The following ADGRG4 variants were observed in gnomAD, a reference collection of about 807,000 sequenced individuals.
ADGRG4 encodes G protein-coupled receptor 112.
A neutral mutation model predicts 126.2 loss-of-function variants in ADGRG4; 122 were observed. The observed-to-expected ratio is 0.97, with a 90% CI of 0.83 to 1.12. The LOEUF is 1.12. Among genes scored for constraint, ADGRG4 ranks in the 50% most tolerant of loss-of-function variants. The pLI is 0.00. For missense variants in ADGRG4, 2,481 were observed against 2,251.8 expected (o/e 1.10, Z -2.06); for synonymous variants, 943 against 838.7 (o/e 1.12, Z -2.15).
intron 19 of ADGRG4, among the ~76,000 whole-genome samples, chrX:136,397,233 G>A (rs1000161928): frequency 9.0e-6 from 1 of 111,392 alleles, no homozygotes; most frequent in African/African-American, 3.3e-5. Context: ...AATGTCCCTG[G>A]GAGAGGGGTA....
At chrX:136,393,974 C>T (rs1243824116) in intron 18 of ADGRG4, among the ~76,000 whole-genome samples, 1 of 111,789 alleles carries the variant, frequency 8.9e-6, no homozygotes, top group Non-Finnish European at 1.9e-5. Flanking sequence ...AGGCCCAGCG[C>T]AGAGTAGCCT....
chrX:136,360,511 G>A (rs2148475862), intron 11 of ADGRG4, among the ~76,000 whole-genome samples: 1 of 111,275 alleles, frequency 9.0e-6, no homozygotes, highest in South Asian at 3.9e-4. Flanking sequence ...GGGAGGGTGA[G>A]GCAGGAGGAT....
chrX:136,371,054 A>G (rs2075189933), intron 13 of ADGRG4, among the ~76,000 whole-genome samples: 1 of 111,857 alleles, frequency 8.9e-6, no homozygotes, highest in Admixed American at 9.5e-5. Flanking sequence ...ATCAAATTTC[A>G]AGATAATTCT....
Position 136,350,291 on chromosome X carries a change from C to T in ADGRG4, c.6585C>T (p.Leu2195=). 3.3e-6 allele frequency: 4 copies of T among 1,210,756 alleles called. No homozygotes were observed. Among genetic ancestry groups the T allele is most frequent in the Non-Finnish European group, 4.5e-6 (4 of 894,535 alleles). Residue 2195 remains leucine, a synonymous_variant, in exon 6 of 26, where the codon CTC becomes CTT. Transcript: ENST00000394143. ...TSTVPGASFP[L]ISTGVTYPFT... ...CTGTTCCTGGAGCCTCATTTCCACT[C>T]ATATCCACTGGGGTGACATATCCTT...
intron 4 of ADGRG4, among the ~76,000 whole-genome samples, chrX:136,321,991 G>A (rs1272755398): frequency 8.9e-6 from 1 of 111,882 alleles, no homozygotes; most frequent in Non-Finnish European, 1.9e-5. Context: ...AAACATTGAG[G>A]TATCAGGAGG....
intron 7 of ADGRG4, among the ~76,000 whole-genome samples, 164 bp downstream of exon 7, chrX:136,351,705 G>A (rs1374831524): frequency 1.9e-5 from 2 of 106,126 alleles, no homozygotes; most frequent in Non-Finnish European, 1.9e-5. Context: ...TGTCTACTCT[G>A]TAAGCAACAT....
At chrX:136,351,102 G>A (rs952790260) in intron 6 of ADGRG4, among the ~76,000 whole-genome samples, 6 of 111,952 alleles carry the variant, frequency 5.4e-5, no homozygotes, top group African/African-American at 1.9e-4. Flanking sequence ...TACTTTCTCA[G>A]AGAAAATGAT....
intron 4 of ADGRG4, among the ~76,000 whole-genome samples, chrX:136,318,346 A>G (rs1030180844): frequency 2.7e-5 from 3 of 111,924 alleles, no homozygotes; most frequent in Non-Finnish European, 5.6e-5. Context: ...CAGAGACAAA[A>G]AGCAGATTAG....
In ADGRG4 at chrX:136,371,373, A is replaced by G. The variant is rs1413603827; in HGVS notation, c.7442A>G (p.Glu2481Gly). The G allele has an allele frequency of 2.5e-6, 3 of 1,196,831 alleles. No homozygotes were observed. Among genetic ancestry groups the G allele is most frequent in the Non-Finnish European group, 3.4e-6 (3 of 887,449 alleles). Residue 2481 changes from glutamate to glycine, a missense_variant, in exon 14 of 26, where the codon GAA becomes GGA. Physicochemically the swap from Glu to Gly is moderately conservative, Grantham distance 98. Coordinates refer to ENST00000394143, the MANE Select transcript of ADGRG4 (RefSeq NM_153834.4). ...GAGCATATTTTAAATTTGATAAATG[A>G]ATCCCCAGCCCTGGGTAAAGAAGAG... ...VAEHILNLIN[E>G]SPALGKEETK...
intron 13 of ADGRG4, among the ~76,000 whole-genome samples, chrX:136,369,766 A>G (rs2075181663): frequency 8.9e-6 from 1 of 112,165 alleles, no homozygotes; most frequent in African/African-American, 3.2e-5. Context: ...ACAAAATGTT[A>G]ATCGAGAAAC....
At chrX:136,379,196 G>C (rs947851386) in intron 15 of ADGRG4, among the ~76,000 whole-genome samples, 5 of 111,490 alleles carry the variant, frequency 4.5e-5, no homozygotes, top group Admixed American at 9.5e-5. Flanking sequence ...GATTCATCTT[G>C]TGTCAGTTTT....
intron 5 of ADGRG4, among the ~76,000 whole-genome samples, chrX:136,332,797 A>G (rs1271626342): frequency 1.7e-4 from 18 of 107,212 alleles, no homozygotes; most frequent in African/African-American, 5.4e-4. Flanking sequence ...GGCTGCATAA[A>G]TGTCTTCTTT....
intron 8 of ADGRG4, 54 bp downstream of exon 8, chrX:136,353,455 T>A: frequency 1.3e-6 from 1 of 792,122 alleles, no homozygotes; most frequent in Non-Finnish European, 1.9e-6. Context: ...GCATTTTGGG[T>A]CTGTTCCTAT....
intron 5 of ADGRG4, among the ~76,000 whole-genome samples, chrX:136,325,008 A>T (rs954033935): frequency 8.9e-6 from 1 of 111,990 alleles, no homozygotes; most frequent in Non-Finnish European, 1.9e-5. Context: ...AGGAAAGATG[A>T]GATTGCTTTT....
Position 136,346,593 on chromosome X carries a change from G to A in ADGRG4, c.2887G>A (p.Gly963Ser), listed in dbSNP as rs878942743. ...SPTSGSTHIFGEPLGASTTRI... is the reference protein window; with the variant it reads ...SPTSGSTHIFSEPLGASTTRI... ...CACTTCTGGGAGCACACATATATTCGGTGAACCCCTGGGTGCTTCTACCAC... is the reference window on the plus strand; with the variant it reads ...CACTTCTGGGAGCACACATATATTCAGTGAACCCCTGGGTGCTTCTACCAC... The change falls in exon 6 of 26, where the codon GGT (glycine) becomes AGT (serine). Residue 963 changes from glycine (G) to serine (S), a missense_variant. Transcript: ENST00000394143. The A allele has an allele frequency of 1.2e-5, 15 of 1,208,156 alleles. No individual in the cohort carries two copies. Among genetic ancestry groups the A allele is most frequent in the South Asian group, 1.1e-4 (6 of 56,509 alleles).
At chrX:136,323,958 A>T (rs973008692) in intron 5 of ADGRG4, among the ~76,000 whole-genome samples, 1 of 111,819 alleles carries the variant, frequency 8.9e-6, no homozygotes, top group African/African-American at 3.2e-5. Context: ...TTTTTAGCAT[A>T]CAGTCCAGTT....
At chrX:136,404,297 T>G (rs991248144) in intron 22 of ADGRG4, among the ~76,000 whole-genome samples, 3 of 110,933 alleles carry the variant, frequency 2.7e-5, no homozygotes, top group Non-Finnish European at 5.7e-5. Flanking sequence ...AAGTCCCCAG[T>G]GTCTACCTAA....
Position 136,349,747 on chromosome X carries a change from T to C in ADGRG4, c.6041T>C (p.Leu2014Pro), listed in dbSNP as rs1390620474. The C allele has an allele frequency of 5.8e-6, 7 of 1,209,469 alleles. No homozygotes were observed. The highest frequency in any genetic ancestry group is 7.8e-6 in the Non-Finnish European group (7 of 894,001). ...SPILTWLLSS[L>P]PSGSPPATVS... ...ATTCTGACATGGCTCTTATCTAGTC[T>C]CCCTTCTGGCTCCCCTCCGGCAACT... The change falls in exon 6 of 26, where the codon CTC becomes CCC. Residue 2014 changes from leucine to proline, a missense_variant. By Grantham distance (98) the Leu-to-Pro change is moderately conservative. Coordinates refer to ENST00000394143, the MANE Select transcript of ADGRG4 (RefSeq NM_153834.4).
chrX:136,414,261 A>G lies in ADGRG4; in HGVS notation c.9139A>G (p.Thr3047Ala), dbSNP rs748595290. ...LLTPSLKSTA[T>A]SSTFKSLGSA... Reference sequence around the variant, plus strand: ...GACGCCATCTCTCAAGTCAACTGCAACTAGCTCCACTTTCAAATCTTTAGG... The same window carrying G: ...GACGCCATCTCTCAAGTCAACTGCAGCTAGCTCCACTTTCAAATCTTTAGG... The change falls in exon 25 of 26, where the codon ACT becomes GCT. Residue 3047 changes from threonine (T) to alanine (A), a missense_variant. Coordinates refer to ENST00000394143, the MANE Select transcript of ADGRG4 (RefSeq NM_153834.4). 1.3e-5 allele frequency: 16 copies of G among 1,206,611 alleles called. No homozygotes were observed. In the South Asian group the frequency reaches 1.9e-4, roughly 15 times the overall value.
Sources: allele counts gnomAD v4.1 joint callset (sites outside exome capture counted in the v4.1 genomes callset), GRCh38; gene constraint gnomAD v4.1.1; transcripts MANE v1.5; gene names NCBI Gene and HGNC (gene_info 2026-07-23, HGNC 2026-07-21).